DGKB: variants seen among roughly 807,000 people sequenced by gnomAD.
The protein encoded by DGKB is diacylglycerol kinase beta, also known as 90 kDa diacylglycerol kinase.
DGKB carries 67 observed loss-of-function variants against 114.3 expected under a neutral mutation model. The observed-to-expected ratio is 0.59, with a 90% confidence interval of 0.48 to 0.72. The LOEUF is 0.72. Ranked by LOEUF, DGKB falls within the 30% of genes least tolerant of loss-of-function variation. DGKB has a pLI of 0.00. For synonymous variants in DGKB, 398 were observed against 323.1 expected, an observed-to-expected ratio of 1.23 and a Z score of -2.49; for missense variants, 907 against 975.2, an observed-to-expected ratio of 0.93 and a Z score of 0.93.
chr7:14,809,308 G>T (rs973637464), intron 2 of DGKB, among the ~76,000 whole-genome samples: 3 of 152,048 alleles, frequency 2.0e-5, no homozygotes. Context: ...TATAGTCCTA[G>T]TGCTCCTCAA....
intron 23 of DGKB, among the ~76,000 whole-genome samples, chr7:14,211,370 CGTGTTTTGTG>C (rs1279127847): frequency 3.8e-4 from 42 of 109,626 alleles, no homozygotes; most frequent in African/African-American, 1.6e-3. Context: ...TATTTACTCT[CGTGTTTTGTG>C]ATTTTACTCT....
At chr7:14,486,068 TA>T (rs973789096) in intron 20 of DGKB, among the ~76,000 whole-genome samples, 1 of 151,996 alleles carries the variant, frequency 6.6e-6, no homozygotes. Context: ...TTCTTTTTTT[TA>T]AAAAATAATT....
At chr7:14,202,998 C>G (rs758834558) in intron 23 of DGKB, among the ~76,000 whole-genome samples, 9 of 151,646 alleles carry the variant, frequency 5.9e-5, no homozygotes, top group Non-Finnish European at 1.2e-4. Flanking sequence ...CATACATTCA[C>G]TCATGTAATA....
chr7:14,813,783 C>G lies in DGKB; in HGVS notation c.70+27411G>C, dbSNP rs10269776. Among the ~76,000 whole-genome samples, 357 of 151,820 alleles carry G rather than the reference C, an allele frequency of 2.4e-3. 1 individual carries two copies. The highest frequency in any genetic ancestry group is 8.1e-3 in the African/African-American group (337 of 41,450). On this transcript the variant is annotated intron_variant, in intron 2 of 25. Coordinates refer to ENST00000402815, the MANE Select transcript of DGKB (RefSeq NM_001350709.2). ...TTTACTCTAGTGATTTTTTAAAATC[C>G]TTCATTAACTTCAGTAGTTATGATC...
At chr7:14,258,610 G>A (rs1488461805) in intron 23 of DGKB, among the ~76,000 whole-genome samples, 1 of 152,126 alleles carries the variant, frequency 6.6e-6, no homozygotes, top group Non-Finnish European at 1.5e-5. Flanking sequence ...AAAGGAATGG[G>A]AGGGAACAAC....
rs534335563 is a variant in DGKB, at chr7:14,963,585, T to C, written c.-188+11111A>G. 3.5e-4 allele frequency among the ~76,000 whole-genome samples: 54 copies of C among 152,310 alleles called. 1 individual carries two copies. Among genetic ancestry groups the C allele is most frequent in the South Asian group, 2.1e-3 (10 of 4,828 alleles). ...TGTTTCCTTAAAAGTAAATTCACATTGGAGTGGAGGAATGGTCGTCTGCCT... is the reference window on the plus strand; with the variant it reads ...TGTTTCCTTAAAAGTAAATTCACATCGGAGTGGAGGAATGGTCGTCTGCCT... On this transcript the variant is annotated intron_variant, in intron 1 of 4. Coordinates refer to the DGKB transcript ENST00000437998.
rs1294965181 is a variant in DGKB at position 14,708,987 on chromosome 7, C to T, written c.467-7257G>A. Among the ~76,000 whole-genome samples the T allele has an allele frequency of 3.3e-5, 5 of 150,312 alleles. No individual in the cohort carries two copies. In the East Asian group the frequency reaches 9.9e-4, roughly 30 times the overall value. ...AATCGGATCTAATTAAACTAAAGAGCTTCTGCACAGCAAAAGAAACTACCA... is the reference window on the plus strand; with the variant it reads ...AATCGGATCTAATTAAACTAAAGAGTTTCTGCACAGCAAAAGAAACTACCA... On this transcript the variant is annotated intron_variant, in intron 6 of 25. Coordinates refer to ENST00000402815, the MANE Select transcript of DGKB (RefSeq NM_001350709.2).
intron 21 of DGKB, among the ~76,000 whole-genome samples, chr7:14,376,085 A>T (rs193291626): frequency 5.6e-4 from 85 of 152,318 alleles, no homozygotes; most frequent in African/African-American, 1.9e-3. Context: ...AGAGACTAGA[A>T]GTGACTCTCT....
At chr7:14,203,203 C>T (rs922281855) in intron 23 of DGKB, among the ~76,000 whole-genome samples, 5 of 143,140 alleles carry the variant, frequency 3.5e-5, no homozygotes, top group Non-Finnish European at 7.5e-5. Context: ...ACTTATTTTT[C>T]GTCTATCCTC....
At chr7:14,605,320 A>G (rs1804279036) in intron 17 of DGKB, among the ~76,000 whole-genome samples, 1 of 150,134 alleles carries the variant, frequency 6.7e-6, no homozygotes, top group Admixed American at 6.7e-5. Flanking sequence ...CTGTTACGTA[A>G]AAAACTATCT....
intron 2 of DGKB, among the ~76,000 whole-genome samples, chr7:14,800,437 A>T (rs567112127): frequency 1.8e-4 from 28 of 152,264 alleles, no homozygotes; most frequent in African/African-American, 6.3e-4. Flanking sequence ...AGCAAATATA[A>T]AGCAGGCAGA....
At chr7:14,556,323 A>AT (rs1392061828) in intron 20 of DGKB, among the ~76,000 whole-genome samples, 14 of 152,104 alleles carry the variant, frequency 9.2e-5, no homozygotes, top group Non-Finnish European at 1.6e-4. Context: ...AGGTTTAAAA[A>AT]ATATATATTT....
chr7:14,744,303 G>T (rs998320838), intron 4 of DGKB, among the ~76,000 whole-genome samples: 17 of 152,180 alleles, frequency 1.1e-4, no homozygotes, highest in African/African-American at 4.1e-4. Context: ...ACAGTACACA[G>T]TTGGAGAGAT....
chr7:14,931,485 T>C (rs989143832), intron 1 of DGKB, among the ~76,000 whole-genome samples: 1 of 152,136 alleles, frequency 6.6e-6, no homozygotes, highest in Non-Finnish European at 1.5e-5. Context: ...TATTTTTTGT[T>C]GTGTCCTTGT....
intron 23 of DGKB, among the ~76,000 whole-genome samples, chr7:14,328,735 C>G (rs1263814759): frequency 2.0e-5 from 3 of 151,908 alleles, no homozygotes; most frequent in Admixed American, 2.0e-4. Flanking sequence ...TTTGAACTTT[C>G]TAAAAAATGC....
chr7:14,536,840 G>GGA (rs1792581688), intron 20 of DGKB, among the ~76,000 whole-genome samples: 1 of 146,942 alleles, frequency 6.8e-6, no homozygotes, highest in African/African-American at 2.5e-5. Context: ...ATTAAGAAAG[G>GGA]AAAAAAACAA....
At chr7:14,480,840 A>G (rs1782879659) in intron 20 of DGKB, among the ~76,000 whole-genome samples, 1 of 152,102 alleles carries the variant, frequency 6.6e-6, no homozygotes, top group Non-Finnish European at 1.5e-5. Context: ...CTCTATAGCA[A>G]TTGGAACAGT....
intron 20 of DGKB, among the ~76,000 whole-genome samples, chr7:14,495,988 G>T (rs1785252953): frequency 6.6e-6 from 1 of 151,730 alleles, no homozygotes; most frequent in Non-Finnish European, 1.5e-5. Context: ...AATTATTGGA[G>T]GCTTCTTGTA....
chr7:14,338,636 A>G lies in DGKB; in HGVS notation c.2001T>C (p.His667=), dbSNP rs530774661. ...ACTCTCCCCAAAGATTGGATCCTCCATGCATGCTTGGTATATTCAAAATAG... is the reference window on the plus strand; with the variant it reads ...ACTCTCCCCAAAGATTGGATCCTCCGTGCATGCTTGGTATATTCAAAATAG... ...GIAILNIPSM[H]GGSNLWGESK... Residue 667 remains histidine, a synonymous_variant, in exon 23 of 26, where the codon CAT becomes CAC. Transcript: ENST00000402815. The G allele has an allele frequency of 3.5e-5, 57 of 1,608,510 alleles. 1 individual carries two copies. In the East Asian group the frequency reaches 9.6e-4, roughly 27 times the overall value.
Sources: allele counts gnomAD v4.1 joint callset (sites outside exome capture counted in the v4.1 genomes callset), GRCh38; gene constraint gnomAD v4.1.1; transcripts MANE v1.5; gene names NCBI Gene and HGNC (gene_info 2026-07-23, HGNC 2026-07-21).